PHACTR1: variants seen among roughly 807,000 people sequenced by gnomAD.
PHACTR1 encodes RPEL repeat containing 1.
PHACTR1 carries 16 observed loss-of-function variants against 69.2 expected under a neutral mutation model. The observed-to-expected ratio is 0.23, with a 90% confidence interval of 0.16 to 0.35. The LOEUF is 0.35. Ranked by LOEUF, PHACTR1 falls within the 10% of genes least tolerant of loss-of-function variation. PHACTR1 has a pLI of 1.00. For missense variants in PHACTR1, 510 were observed against 734.7 expected (o/e 0.69, Z 3.54); for synonymous variants, 312 against 284.5 (o/e 1.10, Z -0.97).
chr6:12,989,037 G>A (rs931804835), intron 4 of PHACTR1, among the ~76,000 whole-genome samples: 10 of 152,184 alleles, frequency 6.6e-5, no homozygotes, highest in African/African-American at 1.9e-4. Context: ...ATTCAAGAAG[G>A]AAATTACTGT....
At chr6:12,940,961 T>C (rs575592166) in intron 4 of PHACTR1, among the ~76,000 whole-genome samples, 42 of 152,362 alleles carry the variant, frequency 2.8e-4, no homozygotes, top group African/African-American at 9.4e-4. Flanking sequence ...TTGTCCTTAG[T>C]AATTACAATA....
At chr6:12,722,590 GA>G (rs1762262884) in intron 3 of PHACTR1, among the ~76,000 whole-genome samples, 1 of 152,196 alleles carries the variant, frequency 6.6e-6, no homozygotes, top group Non-Finnish European at 1.5e-5. Flanking sequence ...AATTTATCAT[GA>G]GAAAAATTCT....
chr6:13,236,583 T>C (rs1262889157), intron 10 of PHACTR1, among the ~76,000 whole-genome samples: 1 of 152,142 alleles, frequency 6.6e-6, no homozygotes, highest in African/African-American at 2.4e-5. Context: ...AATCTCTGCC[T>C]TCGTCTCTGC....
At chr6:12,871,434 T>C (rs1000136881) in intron 4 of PHACTR1, among the ~76,000 whole-genome samples, 19 of 152,226 alleles carry the variant, frequency 1.2e-4, no homozygotes, top group Admixed American at 1.0e-3. Context: ...TATAAGCTTT[T>C]TAAGTCTCAA....
chr6:12,870,110 A>G (rs1217687736), intron 4 of PHACTR1, among the ~76,000 whole-genome samples: 1 of 150,508 alleles, frequency 6.6e-6, no homozygotes, highest in Non-Finnish European at 1.5e-5. Flanking sequence ...CTGTGGATGA[A>G]TAAGGACATG....
chr6:12,900,004 C>A (rs572620786), intron 4 of PHACTR1, among the ~76,000 whole-genome samples: 1 of 152,248 alleles, frequency 6.6e-6, no homozygotes, highest in Non-Finnish European at 1.5e-5. Flanking sequence ...AGCTAGGGGA[C>A]CTCCTCTGTC....
rs373973871 is a variant in PHACTR1 at position 12,855,315 on chromosome 6, G to A, written c.250+105525G>A. 2.2e-4 allele frequency among the ~76,000 whole-genome samples: 33 copies of A among 152,288 alleles called. 1 individual carries two copies. The East Asian group carries it at 6.2e-3, about 29-fold the overall frequency. ...CAGGAGTTTGAGACTAGCTGGATGT[G>A]GTGGTGCATGTCTGTAGTTCCAGCT... On this transcript the variant is annotated intron_variant, in intron 4 of 14. Coordinates refer to ENST00000332995, the MANE Select transcript of PHACTR1 (RefSeq NM_030948.6).
chr6:13,021,291 TA>T (rs1469052172), intron 4 of PHACTR1, among the ~76,000 whole-genome samples: 1 of 152,254 alleles, frequency 6.6e-6, no homozygotes, highest in Non-Finnish European at 1.5e-5. Flanking sequence ...CCATGCAATA[TA>T]TGGCTTCTTT....
intron 4 of PHACTR1, among the ~76,000 whole-genome samples, chr6:12,789,556 T>C (rs983125861): frequency 2.6e-5 from 4 of 152,094 alleles, no homozygotes; most frequent in African/African-American, 9.7e-5. Context: ...TTCCAGACTC[T>C]ATACTCACAC....
intron 4 of PHACTR1, among the ~76,000 whole-genome samples, chr6:12,842,360 G>T (rs1778783344): frequency 6.6e-6 from 1 of 152,282 alleles, no homozygotes; most frequent in Admixed American, 6.5e-5. Context: ...ATGATAGTAA[G>T]GGTGTCATAT....
At position 12,798,509 on chromosome 6, in the gene PHACTR1, T is replaced by C. The variant is rs191854977; in HGVS notation, c.250+48719T>C. ...CAAGGAACAGCCTAGACAGCACTAC[T>C]TAAGTCTTAAGTAAATAAAGCATGA... On this transcript the variant is annotated intron_variant, in intron 4 of 14. Transcript: ENST00000332995. 3.3e-3 allele frequency among the ~76,000 whole-genome samples: 509 copies of C among 152,296 alleles called. 1 individual carries two copies. The highest frequency in any genetic ancestry group is 0.021 in the South Asian group (100 of 4,832).
intron 3 of PHACTR1, among the ~76,000 whole-genome samples, chr6:12,732,107 T>G (rs2127573268): frequency 6.6e-6 from 1 of 151,864 alleles, no homozygotes; most frequent in South Asian, 2.1e-4. Flanking sequence ...CCTGCCCGAG[T>G]CTCCACGGGA....
At chr6:13,265,788 C>T (rs1408834276) in intron 10 of PHACTR1, among the ~76,000 whole-genome samples, 1 of 152,192 alleles carries the variant, frequency 6.6e-6, no homozygotes, top group African/African-American at 2.4e-5. Context: ...CCAAGAACTC[C>T]CCTCCCCAGA....
intron 4 of PHACTR1, among the ~76,000 whole-genome samples, chr6:13,018,523 T>G (rs145252215): frequency 6.6e-6 from 1 of 152,276 alleles, no homozygotes; most frequent in East Asian, 1.9e-4. Context: ...GCGTTTGTAT[T>G]GTTACCCCCC....
intron 5 of PHACTR1, among the ~76,000 whole-genome samples, chr6:13,072,817 G>T (rs1055665541): frequency 2.6e-5 from 4 of 152,104 alleles, no homozygotes; most frequent in African/African-American, 9.7e-5. Flanking sequence ...TTCCAAAAAG[G>T]TTGTAACAAT....
intron 5 of PHACTR1, among the ~76,000 whole-genome samples, chr6:13,082,102 A>G (rs549774149): frequency 1.3e-5 from 2 of 152,244 alleles, no homozygotes; most frequent in East Asian, 3.9e-4. Context: ...GACTTTGAGC[A>G]TTTCACTGAT....
At chr6:13,072,440 T>G (rs1032125329) in intron 5 of PHACTR1, among the ~76,000 whole-genome samples, 5 of 151,874 alleles carry the variant, frequency 3.3e-5, no homozygotes, top group African/African-American at 1.2e-4. Context: ...AATGCACCCT[T>G]AATTCTGACA....
intron 4 of PHACTR1, among the ~76,000 whole-genome samples, chr6:12,757,477 A>T (rs1316148748): frequency 6.6e-6 from 1 of 152,170 alleles, no homozygotes; most frequent in East Asian, 1.9e-4. Context: ...TTTTTAAAGG[A>T]TCACTGGGGC....
chr6:12,752,003 G>C lies in PHACTR1; in HGVS notation c.250+2213G>C, dbSNP rs562406646. Among the ~76,000 whole-genome samples the C allele has an allele frequency of 5.3e-5, 8 of 152,284 alleles. No homozygotes were observed. The South Asian group carries it at 1.7e-3, about 32-fold the overall frequency. On this transcript the variant is annotated intron_variant, in intron 4 of 14. Transcript: ENST00000332995. ...ATGGAATCCCGAAGAAAATGCATAA[G>C]ATCAGGCTACCAAAAACTTTTTCAT...
Sources: allele counts gnomAD v4.1 joint callset (sites outside exome capture counted in the v4.1 genomes callset), GRCh38; gene constraint gnomAD v4.1.1; transcripts MANE v1.5; gene names NCBI Gene and HGNC (gene_info 2026-07-23, HGNC 2026-07-21).